UNC5C: variants seen among roughly 807,000 people sequenced by gnomAD.
UNC5C encodes the protein netrin receptor UNC5C.
In UNC5C, 47 loss-of-function variants were observed where a neutral mutation model predicts 99.8. The ratio of observed to expected loss-of-function variants is 0.47; its 90% confidence interval spans 0.37 to 0.60. The LOEUF is 0.60. Among genes scored for constraint, UNC5C ranks in the 20% least tolerant of loss-of-function variants. UNC5C has a pLI of 0.00. For synonymous variants in UNC5C, 487 were observed against 452.2 expected (o/e 1.08, Z -0.98); for missense variants, 1,062 against 1,165.9 (o/e 0.91, Z 1.30).
In UNC5C at chr4:95,356,193, C is replaced by CAAAAAAAAAA. The variant is rs59097041; in HGVS notation, c.125-20572_125-20563dup. ...TGGGTGACAGAGGAAGACCCTGTAG[C>CAAAAAAAAAA]AAAAAAAAAAAAAAAAAAACAAAAC... On this transcript the variant is annotated intron_variant, in intron 1 of 15. Coordinates refer to ENST00000453304, the MANE Select transcript of UNC5C (RefSeq NM_003728.4). Among the ~76,000 whole-genome samples the CAAAAAAAAAA allele has an allele frequency of 1.3e-3, 73 of 57,980 alleles. 1 individual carries two copies. The highest frequency in any genetic ancestry group is 1.6e-3 in the Non-Finnish European group (47 of 30,164). The allele number at this position is 57,980 out of a possible 152,430, so 38.0% of individuals were successfully genotyped here. A position where few individuals can be genotyped will look rare whatever the true frequency, so the allele number is the denominator to read the frequency against.
intron 12 of UNC5C, among the ~76,000 whole-genome samples, chr4:95,195,076 A>G (rs1737323548): frequency 6.6e-6 from 1 of 152,196 alleles, no homozygotes; most frequent in East Asian, 1.9e-4. Context: ...ATCTTCCTTA[A>G]GCCATTATCT....
intron 1 of UNC5C, among the ~76,000 whole-genome samples, chr4:95,471,966 A>G (rs10013079): frequency 0.09 from 13,717 of 152,166 alleles, 662 homozygotes; most frequent in East Asian, 0.21. Context: ...CTAGCTGTGC[A>G]GAAAGAATCA....
intron 2 of UNC5C, among the ~76,000 whole-genome samples, chr4:95,304,825 G>T (rs2149405456): frequency 6.6e-6 from 1 of 152,298 alleles, no homozygotes; most frequent in South Asian, 2.1e-4. Context: ...AATATTTGGT[G>T]TCCCAAGATG....
chr4:95,215,933 C>G, intron 10 of UNC5C, 191 bp downstream of exon 10: 1 of 462,718 alleles, frequency 2.2e-6, no homozygotes. Context: ...TATTCAAGAT[C>G]TGCAAAAGCG....
At chr4:95,211,561 G>C (rs2149364273) in intron 10 of UNC5C, among the ~76,000 whole-genome samples, 1 of 152,250 alleles carries the variant, frequency 6.6e-6, no homozygotes, top group East Asian at 1.9e-4. Flanking sequence ...AAAAATAATT[G>C]GGTTTCTTCT....
At chr4:95,251,755 G>A (rs915671948) in intron 4 of UNC5C, among the ~76,000 whole-genome samples, 6 of 152,266 alleles carry the variant, frequency 3.9e-5, no homozygotes, top group South Asian at 2.1e-4. Context: ...ACCACAAGAC[G>A]TCTAGAAATT....
chr4:95,535,087 G>A (rs1283579471), intron 1 of UNC5C, among the ~76,000 whole-genome samples: 3 of 152,102 alleles, frequency 2.0e-5, no homozygotes, highest in Non-Finnish European at 4.4e-5. Context: ...TAAAATTTAT[G>A]AAGTAGTAGT....
intron 10 of UNC5C, among the ~76,000 whole-genome samples, chr4:95,212,175 A>C (rs1738095280): frequency 6.6e-6 from 1 of 152,144 alleles, no homozygotes; most frequent in Non-Finnish European, 1.5e-5. Context: ...TGATAGTGTC[A>C]GTTGCCACAC....
rs757525223 is a variant in UNC5C at position 95,250,513 on chromosome 4, C to G, written c.749G>C (p.Ser250Thr). 13 of 1,613,836 alleles carry G rather than the reference C, an allele frequency of 8.1e-6. No individual in the cohort carries two copies. The highest frequency in any genetic ancestry group is 1.1e-5 in the Non-Finnish European group (13 of 1,179,932). ...ATAGACTATGACAGTGGCAGTTGTA[C>G]TTTTCCTCTTGGCAACAATGTTTTT... ...VAKNIVAKRKSTTATVIVYVN... is the reference protein window; with the variant it reads ...VAKNIVAKRKTTTATVIVYVN... The change falls in exon 5 of 16, where the codon AGT becomes ACT. Residue 250 changes from serine to threonine, a missense_variant. This residue lies in a region of UNC5C where 810 missense variants were observed against 854.5 expected (regional missense o/e 0.95). Coordinates refer to ENST00000453304, the MANE Select transcript of UNC5C (RefSeq NM_003728.4).
intron 1 of UNC5C, among the ~76,000 whole-genome samples, chr4:95,457,780 C>G (rs1380887604): frequency 1.3e-5 from 2 of 152,092 alleles, no homozygotes; most frequent in African/African-American, 4.8e-5. Flanking sequence ...TAAGGACTTA[C>G]AGCAAGAAAA....
intron 2 of UNC5C, among the ~76,000 whole-genome samples, chr4:95,331,416 C>T (rs755805875): frequency 1.3e-4 from 20 of 152,082 alleles, no homozygotes; most frequent in Non-Finnish European, 2.6e-4. Flanking sequence ...AGAGGTTGTA[C>T]TAATGTACAT....
intron 3 of UNC5C, among the ~76,000 whole-genome samples, chr4:95,292,787 A>G (rs1741526547): frequency 6.6e-6 from 1 of 152,208 alleles, no homozygotes; most frequent in Non-Finnish European, 1.5e-5. Flanking sequence ...ACTTTTCCCC[A>G]TCATGTACTT....
At chr4:95,440,652 G>A (rs1385811255) in intron 1 of UNC5C, among the ~76,000 whole-genome samples, 2 of 151,880 alleles carry the variant, frequency 1.3e-5, no homozygotes, top group Admixed American at 1.3e-4. Flanking sequence ...ATTAGTAAGA[G>A]AAAATTAAGA....
chr4:95,503,778 T>C (rs903527171), intron 1 of UNC5C, among the ~76,000 whole-genome samples: 4 of 152,232 alleles, frequency 2.6e-5, no homozygotes, highest in East Asian at 3.9e-4. Context: ...TAAAATAGCA[T>C]GGCCCCTCAT....
chr4:95,399,570 A>T (rs1745626718), intron 1 of UNC5C, among the ~76,000 whole-genome samples: 1 of 152,030 alleles, frequency 6.6e-6, no homozygotes, highest in African/African-American at 2.4e-5. Context: ...CATATTCTCT[A>T]TTTACACTGG....
chr4:95,184,846 A>T (rs898236273), intron 13 of UNC5C, among the ~76,000 whole-genome samples: 3 of 152,220 alleles, frequency 2.0e-5, no homozygotes, highest in African/African-American at 7.2e-5. Context: ...TAGTACATTT[A>T]TTTAAAGGAA....
chr4:95,471,530 C>T (rs1043998106), intron 1 of UNC5C, among the ~76,000 whole-genome samples: 1 of 152,062 alleles, frequency 6.6e-6, no homozygotes, highest in Non-Finnish European at 1.5e-5. Flanking sequence ...TACTTGGACC[C>T]CCCTGACATG....
chr4:95,515,152 T>C (rs1431773456), intron 1 of UNC5C, among the ~76,000 whole-genome samples: 1 of 152,322 alleles, frequency 6.6e-6, no homozygotes, highest in Non-Finnish European at 1.5e-5. Context: ...CTAACAATGA[T>C]TAGAAATAGC....
At chr4:95,179,818 A>C (rs898389103) in intron 14 of UNC5C, among the ~76,000 whole-genome samples, 8 of 151,478 alleles carry the variant, frequency 5.3e-5, no homozygotes, top group African/African-American at 1.9e-4. Flanking sequence ...ACCTTTTTTC[A>C]GGGTTCAGAG....
Sources: gnomAD v4.1 joint callset for allele counts (sites outside exome capture counted in the v4.1 genomes callset) on GRCh38, gnomAD v4.1.1 for gene constraint, gnomAD v4.1.1 regional missense constraint, MANE v1.5 for transcripts, NCBI Gene and HGNC (gene_info 2026-07-23, HGNC 2026-07-21) for gene names.